OOSP3: variants seen among roughly 807,000 people sequenced by gnomAD.
OOSP3 encodes oocyte secreted protein family member 3.
chr11:59,893,590 A>G, intron 2 of OOSP3, among the ~76,000 whole-genome samples: 1 of 152,112 alleles, frequency 6.6e-6, no homozygotes, highest in Non-Finnish European at 1.5e-5. Context: ...AGCTCAAGCG[A>G]TCCTCCTGCT....
intron 2 of OOSP3, among the ~76,000 whole-genome samples, chr11:59,885,161 G>A (rs1853241884): frequency 6.6e-6 from 1 of 152,064 alleles, no homozygotes; most frequent in Admixed American, 6.5e-5. Flanking sequence ...TATTAATATG[G>A]TGTATTACAT....
exon 2 of OOSP3, chr11:59,880,387 C>T (rs930191444): frequency 1.3e-4 from 52 of 398,310 alleles, no homozygotes; most frequent in Non-Finnish European, 1.9e-4. Context: ...AATGTAACTG[C>T]GAAGGGATAT....
At chr11:59,890,944 C>T (rs55892596) in intron 2 of OOSP3, among the ~76,000 whole-genome samples, 4,235 of 152,236 alleles carry the variant, frequency 0.028, 203 homozygotes, top group African/African-American at 0.093. Context: ...TTTCCATAGT[C>T]CATAGTTCTC....
chr11:59,894,425 A>C (rs1853338632), intron 3 of OOSP3, among the ~76,000 whole-genome samples: 1 of 152,068 alleles, frequency 6.6e-6, no homozygotes, highest in African/African-American at 2.4e-5. Context: ...TCTGGCTTTC[A>C]GTGATACCAA....
At chr11:59,882,943 G>A (rs191605014) in intron 2 of OOSP3, among the ~76,000 whole-genome samples, 1 of 152,034 alleles carries the variant, frequency 6.6e-6, no homozygotes, top group Non-Finnish European at 1.5e-5. Flanking sequence ...CTATATCATA[G>A]CATGTCTCAA....
At chr11:59,891,499 TTTTTC>T (rs1590874979) in intron 2 of OOSP3, among the ~76,000 whole-genome samples, 2 of 152,192 alleles carry the variant, frequency 1.3e-5, no homozygotes, top group Admixed American at 1.3e-4. Context: ...TTTCTGTTTG[TTTTTC>T]TTTTAACATT....
chr11:59,880,927 A>G (rs369275114), intron 2 of OOSP3, among the ~76,000 whole-genome samples: 1 of 152,314 alleles, frequency 6.6e-6, no homozygotes, highest in African/African-American at 2.4e-5. Context: ...GAGGAAAAAA[A>G]CATCTGAGGA....
At chr11:59,883,958 CAA>C (rs1265372127) in intron 2 of OOSP3, among the ~76,000 whole-genome samples, 1 of 152,066 alleles carries the variant, frequency 6.6e-6, no homozygotes, top group African/African-American at 2.4e-5. Flanking sequence ...TGATTAATGA[CAA>C]AATATTTCAC....
intron 2 of OOSP3, among the ~76,000 whole-genome samples, chr11:59,882,216 A>G (rs768078890): frequency 1.3e-5 from 2 of 152,218 alleles, no homozygotes; most frequent in Non-Finnish European, 2.9e-5. Context: ...CAGGAGGCAC[A>G]AACTATGACG....
In OOSP3 at chr11:59,880,455, A is replaced by G; in HGVS notation, c.252+16A>G. The stretch of plus-strand genomic sequence containing the variant: ...TCAGAAAGAGGTAAGAGCTGCAAGC[A>G]GTTCAAATAATAAACTAACCCCTAG... On this transcript the variant is annotated intron_variant, in intron 2 of 4. Coordinates refer to ENST00000646438, the Ensembl canonical transcript of OOSP3. 1 of 398,550 alleles carries G rather than the reference A, an allele frequency of 2.5e-6. No homozygotes were observed. The highest frequency in any genetic ancestry group is 2.1e-5 in the African/African-American group (1 of 48,754). The allele number at this position is 398,550 out of a possible 1,614,324, so 24.7% of individuals were successfully genotyped here. A position where few individuals can be genotyped will look rare whatever the true frequency, so the allele number is the denominator to read the frequency against.
chr11:59,879,143 C>G (rs1853178828), intron 1 of OOSP3, among the ~76,000 whole-genome samples: 1 of 152,102 alleles, frequency 6.6e-6, no homozygotes, highest in African/African-American at 2.4e-5. Flanking sequence ...ACCCTATTCA[C>G]CCTACCTGTG....
intron 2 of OOSP3, among the ~76,000 whole-genome samples, chr11:59,881,000 A>G (rs1190996426): frequency 6.6e-6 from 1 of 152,172 alleles, no homozygotes; most frequent in Non-Finnish European, 1.5e-5. Context: ...ATGTCCATGA[A>G]TGAGATTGGT....
intron 2 of OOSP3, among the ~76,000 whole-genome samples, chr11:59,892,701 A>G (rs1284438383): frequency 7.0e-6 from 1 of 143,748 alleles, no homozygotes; most frequent in Non-Finnish European, 1.5e-5. Context: ...CAGGAAAAGT[A>G]AAAAAAAAAA....
chr11:59,883,682 G>C (rs760338143), intron 2 of OOSP3, among the ~76,000 whole-genome samples: 3 of 152,168 alleles, frequency 2.0e-5, no homozygotes, highest in Non-Finnish European at 4.4e-5. Flanking sequence ...TAGAAGAGTG[G>C]TTAAATGATG....
intron 2 of OOSP3, among the ~76,000 whole-genome samples, chr11:59,884,105 G>A (rs939329743): frequency 6.6e-6 from 1 of 152,086 alleles, no homozygotes; most frequent in Non-Finnish European, 1.5e-5. Context: ...ATCTTGCCGT[G>A]GCTTAAATAA....
intron 4 of OOSP3, 37 bp downstream of exon 4, chr11:59,895,689 C>T (rs563352601): frequency 2.5e-6 from 1 of 398,218 alleles, no homozygotes; most frequent in South Asian, 1.3e-4. Context: ...ATGGCAGTGT[C>T]CATGTAGAAA....
At chr11:59,891,994 G>C (rs927129368) in intron 2 of OOSP3, among the ~76,000 whole-genome samples, 3 of 152,214 alleles carry the variant, frequency 2.0e-5, no homozygotes, top group Non-Finnish European at 4.4e-5. Flanking sequence ...CCTGGCTTCA[G>C]TTTCCTTCCC....
chr11:59,885,030 A>G (rs1853239779), intron 2 of OOSP3, among the ~76,000 whole-genome samples: 1 of 152,238 alleles, frequency 6.6e-6, no homozygotes, highest in Non-Finnish European at 1.5e-5. Flanking sequence ...GCTCTTAATC[A>G]GGTTGAGGAC....
At chr11:59,891,071 T>C (rs1429321869) in intron 2 of OOSP3, among the ~76,000 whole-genome samples, 36 of 152,220 alleles carry the variant, frequency 2.4e-4, no homozygotes, top group Non-Finnish European at 1.0e-4. Flanking sequence ...AATTCAGCTA[T>C]TGATACTTGT....
Sources: allele counts gnomAD v4.1 joint callset (sites outside exome capture counted in the v4.1 genomes callset), GRCh38; gene constraint gnomAD v4.1.1; transcripts MANE v1.5; gene names NCBI Gene and HGNC (gene_info 2026-07-23, HGNC 2026-07-21).